The following GPHN variants were observed in gnomAD, a reference collection of about 807,000 sequenced individuals.
GPHN encodes gephyrin.
GPHN carries 17 observed loss-of-function variants against 95.5 expected under a neutral mutation model. The observed-to-expected ratio is 0.18, with a 90% CI of 0.12 to 0.27. The LOEUF is 0.27. GPHN is among the 10% of genes least tolerant of loss of function. The pLI, the probability that GPHN is intolerant of heterozygous loss-of-function variation, is 1.00. For synonymous variants in GPHN, 320 were observed against 322.5 expected (o/e 0.99, Z 0.08); for missense variants, 660 against 978.1 (o/e 0.67, Z 4.34).
the GPHN span, among the ~76,000 whole-genome samples, chr14:67,425,693 C>T: frequency 6.6e-6 from 1 of 152,166 alleles, no homozygotes; most frequent in South Asian, 2.1e-4. Context: ...GAGGGGAGCC[C>T]TGCCTCCCAG....
intron 2 of GPHN, among the ~76,000 whole-genome samples, chr14:66,702,712 A>G (rs2068674578): frequency 6.6e-6 from 1 of 152,218 alleles, no homozygotes; most frequent in Non-Finnish European, 1.5e-5. Flanking sequence ...AATCAATGAA[A>G]AAATGCTGAA....
intron 1 of GPHN, among the ~76,000 whole-genome samples, chr14:66,545,459 T>C (rs536219240): frequency 1.3e-4 from 15 of 111,976 alleles, no homozygotes; most frequent in Admixed American, 3.6e-4. Flanking sequence ...TAGGGGTGGC[T>C]GGGCAGAGGC....
the GPHN span, chr14:67,301,991 A>G: frequency 2.5e-6 from 4 of 1,601,008 alleles, no homozygotes; most frequent in Non-Finnish European, 2.6e-6. Flanking sequence ...CTGGCCCACG[A>G]TAAGGTTGCT....
At chr14:67,656,735 A>G in the GPHN span, 1 of 906,134 alleles carries the variant, frequency 1.1e-6, no homozygotes, top group South Asian at 3.0e-5. Flanking sequence ...GAAGCTAATG[A>G]TTCTTTTCAA....
chr14:67,186,854 G>A, the GPHN span, among the ~76,000 whole-genome samples: 1 of 152,170 alleles, frequency 6.6e-6, no homozygotes, highest in African/African-American at 2.4e-5. Context: ...AGAGTATGCC[G>A]TGGTGCATTT....
the GPHN span, chr14:67,199,566 AC>A: frequency 6.2e-6 from 10 of 1,600,158 alleles, no homozygotes; most frequent in Non-Finnish European, 8.6e-6. Context: ...TACCTCTGTA[AC>A]CACCCTATCA....
chr14:67,320,214 CT>C, the GPHN span: 51 of 1,597,764 alleles, frequency 3.2e-5, no homozygotes, highest in African/African-American at 5.2e-4. Flanking sequence ...AAGAGCTTAA[CT>C]TTTTTTTCCC....
At chr14:67,478,552 T>C in the GPHN span, among the ~76,000 whole-genome samples, 1 of 151,972 alleles carries the variant, frequency 6.6e-6, no homozygotes, top group Non-Finnish European at 1.5e-5. Flanking sequence ...AAATCCGATG[T>C]TTCTCACCAC....
the GPHN span, chr14:67,695,541 T>A: frequency 7.5e-7 from 1 of 1,336,376 alleles, no homozygotes; most frequent in Non-Finnish European, 1.0e-6. Context: ...CCCAGGGGAG[T>A]TTTCCAAGAA....
chr14:67,681,845 A>G, the GPHN span, among the ~76,000 whole-genome samples: 15 of 152,230 alleles, frequency 9.9e-5, no homozygotes. Flanking sequence ...AGACTATTAG[A>G]AGAAAACATA....
At position 66,608,039 on chromosome 14, in the gene GPHN, G is replaced by GT. The variant is rs1566693062; in HGVS notation, c.65-73068_65-73067insT. Among the ~76,000 whole-genome samples the GT allele has an allele frequency of 8.4e-4, 17 of 20,350 alleles. No homozygotes were observed. In the East Asian group the frequency reaches 0.012, roughly 14 times the overall value. 13.4% of individuals were successfully genotyped at this position (20,350 alleles called of 152,430 possible). ...ATTTCTTTTCTTTTATTAGCTTTGTGGTTTTTTTTTTTTTTCTAGTTCCTC... is the reference window on the plus strand; with the variant it reads ...ATTTCTTTTCTTTTATTAGCTTTGTGTGTTTTTTTTTTTTTTCTAGTTCCTC... On this transcript the variant is annotated intron_variant, in intron 1 of 22. Transcript: ENST00000478722.
At chr14:67,400,548 CT>C in the GPHN span, among the ~76,000 whole-genome samples, 1 of 152,220 alleles carries the variant, frequency 6.6e-6, no homozygotes, top group Non-Finnish European at 1.5e-5. Flanking sequence ...TGGGGCAGCA[CT>C]AGCAGGACTG....
intron 12 of GPHN, among the ~76,000 whole-genome samples, chr14:67,097,351 A>G (rs1234742487): frequency 2.0e-5 from 3 of 152,244 alleles, no homozygotes; most frequent in Non-Finnish European, 4.4e-5. Flanking sequence ...CGGAGCCAAC[A>G]TATGAGTTAT....
At chr14:67,099,168 G>A (rs1187374009) in intron 12 of GPHN, among the ~76,000 whole-genome samples, 3 of 150,098 alleles carry the variant, frequency 2.0e-5, no homozygotes, top group Non-Finnish European at 3.0e-5. Flanking sequence ...GGAGTGCAAT[G>A]GCACGATCTC....
rs2068210970 is a variant in GPHN at position 66,952,995 on chromosome 14, T to C, written c.829-12196T>C. Among the ~76,000 whole-genome samples the C allele has an allele frequency of 2.0e-5, 3 of 151,148 alleles. No individual in the cohort carries two copies. In the South Asian group the frequency reaches 6.3e-4, roughly 32 times the overall value. ...AGGTGTGAGCCACTGCACCGGGCCT[T>C]CTTTTTTTCTTAATTCTTATCATCT... On this transcript the variant is annotated intron_variant, in intron 8 of 22. Transcript: ENST00000478722.
At chr14:67,280,707 G>T in the GPHN span, among the ~76,000 whole-genome samples, 2 of 152,072 alleles carry the variant, frequency 1.3e-5, no homozygotes, top group Admixed American at 6.5e-5. Context: ...CCAGAATAGA[G>T]CACCTTTTTC....
chr14:67,336,763 C>CAGTT, the GPHN span: 1,035 of 456,006 alleles, frequency 2.3e-3, 2 homozygotes, highest in Non-Finnish European at 3.4e-3. Context: ...AAATGTTAAA[C>CAGTT]AGTTACCTAT....
At chr14:67,421,343 C>T in the GPHN span, among the ~76,000 whole-genome samples, 2 of 152,118 alleles carry the variant, frequency 1.3e-5, no homozygotes, top group Admixed American at 6.5e-5. Flanking sequence ...CCCAGAACAG[C>T]CTCTCCTTGA....
chr14:67,722,506 C>T, the GPHN span: 8 of 798,874 alleles, frequency 1.0e-5, no homozygotes, highest in African/African-American at 5.0e-5. Context: ...CAGGCTGCTG[C>T]TCAGCACCCA....
Sources: allele counts gnomAD v4.1 joint callset (sites outside exome capture counted in the v4.1 genomes callset), GRCh38; gene constraint gnomAD v4.1.1; transcripts MANE v1.5; gene names NCBI Gene and HGNC (gene_info 2026-07-23, HGNC 2026-07-21).